Variants in CCL28 observed in about 807,000 individuals in gnomAD.
CCL28 encodes C-C motif chemokine ligand 28.
A neutral mutation model predicts 7.1 loss-of-function variants in CCL28; 4 were observed. The observed-to-expected ratio is 0.56, with a 90% confidence interval of 0.28 to 1.29. CCL28 has a LOEUF of 1.29. Among genes scored for constraint, CCL28 ranks in the 50% most tolerant of loss-of-function variants. The probability of loss-of-function intolerance (pLI) is 0.11; values close to 1 mark genes in which losing one functional copy is unlikely to be tolerated. For synonymous variants in CCL28, 55 were observed against 57.8 expected, an observed-to-expected ratio of 0.95 and a Z score of 0.22; for missense variants, 151 against 163.4, an observed-to-expected ratio of 0.92 and a Z score of 0.41.
chr5:43,381,708 A>C lies in CCL28; in HGVS notation c.*152T>G. The stretch of plus-strand genomic sequence containing the variant: ...TCCAGTTGAGTATATTATTGGCTAC[A>C]TTTGCATACCGCACAATTGTTCATT... On this transcript the variant is annotated 3_prime_UTR_variant, in exon 3 of 3. Transcript: ENST00000361115. 1 of 651,890 alleles carries C rather than the reference A, an allele frequency of 1.5e-6. No individual in the cohort carries two copies. The highest frequency in any genetic ancestry group is 2.7e-6 in the Non-Finnish European group (1 of 372,950). The allele number at this position is 651,890 out of a possible 1,614,324, so 40.4% of individuals were successfully genotyped here. A position where few individuals can be genotyped will look rare whatever the true frequency, so the allele number is the denominator to read the frequency against.
the CCL28 span, among the ~76,000 whole-genome samples, chr5:43,357,464 A>C: frequency 6.6e-6 from 1 of 152,232 alleles, no homozygotes; most frequent in African/African-American, 2.4e-5. Context: ...AGCCAGTCAG[A>C]AAAGATTAAG....
downstream of CCL28, among the ~76,000 whole-genome samples, chr5:43,377,716 A>ATTTTTTTTTT (rs1561151287): frequency 2.2e-5 from 1 of 45,658 alleles, no homozygotes; most frequent in Non-Finnish European, 4.3e-5. Context: ...TAGAACTTAA[A>ATTTTTTTTTT]CTTTTTTTTT....
At chr5:43,360,358 T>C in the CCL28 span, among the ~76,000 whole-genome samples, 1 of 152,152 alleles carries the variant, frequency 6.6e-6, no homozygotes, top group African/African-American at 2.4e-5. Context: ...GTACAGATTA[T>C]TTTGTCAGCC....
intron 1 of CCL28, among the ~76,000 whole-genome samples, chr5:43,395,836 T>G (rs974403029): frequency 1.4e-4 from 21 of 151,662 alleles, no homozygotes; most frequent in Middle Eastern, 3.2e-3. Flanking sequence ...GAGTGGACTA[T>G]TCATGCCTTA....
the CCL28 span, among the ~76,000 whole-genome samples, chr5:43,363,043 C>A: frequency 6.6e-4 from 100 of 152,316 alleles, no homozygotes; most frequent in East Asian, 2.3e-3. Context: ...CAATTCATTG[C>A]AAATCAGTTT....
At chr5:43,406,663 A>G (rs1240485995) in intron 1 of CCL28, among the ~76,000 whole-genome samples, 4 of 152,204 alleles carry the variant, frequency 2.6e-5, no homozygotes, top group Non-Finnish European at 5.9e-5. Context: ...TAGGCAGGAG[A>G]AAGAAAGGAT....
chr5:43,364,106 C>T, the CCL28 span, among the ~76,000 whole-genome samples: 3 of 152,112 alleles, frequency 2.0e-5, no homozygotes, highest in Non-Finnish European at 2.9e-5. Flanking sequence ...TCTTTTTCTG[C>T]TTTTTAAAAA....
At chr5:43,404,784 C>A (rs1741196094) in intron 1 of CCL28, among the ~76,000 whole-genome samples, 1 of 152,072 alleles carries the variant, frequency 6.6e-6, no homozygotes, top group Non-Finnish European at 1.5e-5. Context: ...TGCAGGGACA[C>A]ACACAGGCTC....
At chr5:43,393,413 G>A (rs1027900403) in intron 1 of CCL28, among the ~76,000 whole-genome samples, 18 of 151,786 alleles carry the variant, frequency 1.2e-4, no homozygotes, top group Admixed American at 1.1e-3. Context: ...GGAGGGCAGT[G>A]GCACAATCTC....
At chr5:43,399,820 A>G (rs984861829) in intron 1 of CCL28, among the ~76,000 whole-genome samples, 1 of 148,178 alleles carries the variant, frequency 6.7e-6, no homozygotes, top group African/African-American at 2.5e-5. Flanking sequence ...AAGCATTCCT[A>G]TTTGTCTTAT....
chr5:43,362,542 TTGTG>T, the CCL28 span, among the ~76,000 whole-genome samples: 1 of 152,174 alleles, frequency 6.6e-6, no homozygotes, highest in African/African-American at 2.4e-5. Context: ...AGTTACTAAG[TTGTG>T]TGTGTGTTTT....
At chr5:43,362,707 A>G in the CCL28 span, among the ~76,000 whole-genome samples, 3 of 152,198 alleles carry the variant, frequency 2.0e-5, no homozygotes, top group African/African-American at 7.2e-5. Flanking sequence ...TTTCTTATAC[A>G]GCAATATGGA....
At chr5:43,373,255 C>T (rs2111641329), downstream of CCL28, among the ~76,000 whole-genome samples, 1 of 152,236 alleles carries the variant, frequency 6.6e-6, no homozygotes, top group East Asian at 1.9e-4. Flanking sequence ...CCTCCTCTCA[C>T]ACACATAAAA....
At chr5:43,396,020 C>G (rs1249358199) in intron 1 of CCL28, among the ~76,000 whole-genome samples, 1 of 151,742 alleles carries the variant, frequency 6.6e-6, no homozygotes, top group African/African-American at 2.4e-5. Flanking sequence ...TACAGACGCC[C>G]GCCACCACAC....
At chr5:43,403,513 T>C (rs1344288823) in intron 1 of CCL28, among the ~76,000 whole-genome samples, 1 of 152,068 alleles carries the variant, frequency 6.6e-6, no homozygotes, top group Admixed American at 6.6e-5. Flanking sequence ...CATCTGTACG[T>C]CACCATCATC....
chr5:43,361,939 C>T, the CCL28 span, among the ~76,000 whole-genome samples: 2 of 105,904 alleles, frequency 1.9e-5, no homozygotes, highest in East Asian at 2.0e-4. Flanking sequence ...GTGATGCCTC[C>T]AGCTTTGTTT....
At chr5:43,388,057 T>A (rs183321139) in intron 2 of CCL28, 2 of 274,272 alleles carry the variant, frequency 7.3e-6, no homozygotes, top group Admixed American at 1.0e-4. Flanking sequence ...TTGTTTTGCT[T>A]GGGAAAGTCA....
At chr5:43,389,246 T>A (rs373160004) in intron 1 of CCL28, among the ~76,000 whole-genome samples, 1 of 152,354 alleles carries the variant, frequency 6.6e-6, no homozygotes, top group Non-Finnish European at 1.5e-5. Context: ...TGTGAATATA[T>A]TGAAGACCAC....
intron 1 of CCL28, among the ~76,000 whole-genome samples, chr5:43,389,887 GGA>G (rs1360401159): frequency 6.6e-6 from 1 of 152,208 alleles, no homozygotes; most frequent in Non-Finnish European, 1.5e-5. Context: ...GTTAGGCAAT[GGA>G]GAATGTAAAC....
Sources: gnomAD v4.1 joint callset for allele counts (sites outside exome capture counted in the v4.1 genomes callset) on GRCh38, gnomAD v4.1.1 for gene constraint, MANE v1.5 for transcripts, NCBI Gene and HGNC (gene_info 2026-07-23, HGNC 2026-07-21) for gene names.